Variants in ST8SIA1 observed in about 807,000 individuals in gnomAD.
The protein encoded by ST8SIA1 is alpha-N-acetylneuraminide alpha-2,8-sialyltransferase.
Under a neutral mutation model 35.9 loss-of-function variants are expected in ST8SIA1, and 16 were observed. The ratio of observed to expected loss-of-function variants is 0.45; its 90% CI spans 0.30 to 0.68. The LOEUF is 0.68. Ranked by LOEUF, ST8SIA1 falls within the 30% of genes least tolerant of loss-of-function variation. The pLI is 0.09. For synonymous variants in ST8SIA1, 170 were observed against 169.6 expected, an observed-to-expected ratio of 1.00 and a Z score of -0.02; for missense variants, 383 against 453.6, an observed-to-expected ratio of 0.84 and a Z score of 1.41.
At chr12:22,207,173 A>T (rs1471672034) in intron 4 of ST8SIA1, among the ~76,000 whole-genome samples, 1 of 152,210 alleles carries the variant, frequency 6.6e-6, no homozygotes, top group Non-Finnish European at 1.5e-5. Context: ...CCAGAGATGG[A>T]TTCGCGACTG....
At chr12:22,310,977 C>T (rs926821232) in intron 1 of ST8SIA1, among the ~76,000 whole-genome samples, 3 of 152,072 alleles carry the variant, frequency 2.0e-5, no homozygotes, top group Non-Finnish European at 2.9e-5. Flanking sequence ...AATAGAAGAA[C>T]TGATGAGGTC....
intron 2 of ST8SIA1, among the ~76,000 whole-genome samples, chr12:22,278,839 T>C (rs1866000230): frequency 1.3e-5 from 2 of 152,218 alleles, no homozygotes; most frequent in Admixed American, 6.5e-5. Flanking sequence ...AATGTTGTCT[T>C]ACCCTCAAAA....
At chr12:22,218,612 A>AAAATAAATAAAT (rs59486221) in intron 4 of ST8SIA1, among the ~76,000 whole-genome samples, 2,727 of 139,320 alleles carry the variant, frequency 0.02, 98 homozygotes, top group African/African-American at 0.067. Flanking sequence ...AGCGAGACTC[A>AAAATAAATAAAT]AAATAAATAA....
chr12:22,207,062 G>T (rs1016505425), intron 4 of ST8SIA1, among the ~76,000 whole-genome samples: 1 of 152,206 alleles, frequency 6.6e-6, no homozygotes, highest in African/African-American at 2.4e-5. Context: ...TCAGGTTCAA[G>T]TAAGAGAAAA....
At chr12:22,216,633 A>G (rs16924767) in intron 4 of ST8SIA1, among the ~76,000 whole-genome samples, 29,847 of 152,046 alleles carry the variant, frequency 0.2, 3,296 homozygotes, top group South Asian at 0.3. Flanking sequence ...ATGTCTTTAT[A>G]TCTTAATTTT....
chr12:22,261,526 C>T (rs1461064728), intron 2 of ST8SIA1, among the ~76,000 whole-genome samples: 1 of 151,842 alleles, frequency 6.6e-6, no homozygotes, highest in Admixed American at 6.6e-5. Context: ...TTTTTCAACA[C>T]CTCATATCTG....
chr12:22,203,693 C>T (rs1865074971), intron 4 of ST8SIA1, among the ~76,000 whole-genome samples: 1 of 152,132 alleles, frequency 6.6e-6, no homozygotes, highest in Admixed American at 6.5e-5. Flanking sequence ...CTGGGCCAGC[C>T]TCTCCAATAC....
At chr12:22,285,848 C>A (rs3819875) in intron 2 of ST8SIA1, among the ~76,000 whole-genome samples, 29,632 of 122,836 alleles carry the variant, frequency 0.24, 3,041 homozygotes, top group Middle Eastern at 0.47. Context: ...CAAGCCCAGG[C>A]AACAGAGTAA....
intron 1 of ST8SIA1, among the ~76,000 whole-genome samples, chr12:22,293,316 A>C (rs1866202138): frequency 6.6e-6 from 1 of 152,194 alleles, no homozygotes; most frequent in African/African-American, 2.4e-5. Context: ...CAAACATCCA[A>C]ATGTTGACTT....
At chr12:22,235,072 G>GAAAGCTACA (rs1488395547) in intron 4 of ST8SIA1, among the ~76,000 whole-genome samples, 1 of 152,024 alleles carries the variant, frequency 6.6e-6, no homozygotes, top group Non-Finnish European at 1.5e-5. Context: ...GTGTGCGCAG[G>GAAAGCTACA]GTGTGTGTGT....
chr12:22,277,642 C>T (rs1022963210), intron 2 of ST8SIA1, among the ~76,000 whole-genome samples: 3 of 152,140 alleles, frequency 2.0e-5, no homozygotes, highest in African/African-American at 7.2e-5. Flanking sequence ...GCTGGGATTA[C>T]AGGCATGAGC....
rs1157595358 is a variant in ST8SIA1, at chr12:22,255,348, C to T, written c.423G>A (p.Val141=). ...FQLPLKKCAV[V]GNGGILKKSG... ...TCTTCTTCAGAATCCCACCATTTCC[C>T]ACCACCGCGCATTTCTTCAATGGCA... The change falls in exon 3 of 5, where the codon GTG becomes GTA. Residue 141 remains valine, a synonymous_variant. Coordinates refer to ENST00000396037, the MANE Select transcript of ST8SIA1 (RefSeq NM_003034.4). The T allele has an allele frequency of 6.2e-7, 1 of 1,614,058 alleles. No homozygotes were observed. The highest frequency in any genetic ancestry group is 8.5e-7 in the Non-Finnish European group (1 of 1,180,028).
chr12:22,310,999 G>A (rs12321356), intron 1 of ST8SIA1, among the ~76,000 whole-genome samples: 6,043 of 152,216 alleles, frequency 0.04, 371 homozygotes, highest in African/African-American at 0.14. Flanking sequence ...AAACCCATAA[G>A]TTAATTCAAT....
chr12:22,227,234 A>G (rs1216212146), intron 4 of ST8SIA1, among the ~76,000 whole-genome samples: 2 of 151,310 alleles, frequency 1.3e-5, no homozygotes, highest in Non-Finnish European at 2.9e-5. Flanking sequence ...GTGAGCCACC[A>G]CACCTGACCT....
intron 1 of ST8SIA1, among the ~76,000 whole-genome samples, chr12:22,302,359 C>T (rs1442351430): frequency 6.6e-6 from 1 of 152,148 alleles, no homozygotes. Context: ...ATAACAGCAA[C>T]CTATTTACAC....
chr12:22,195,867 C>T lies in ST8SIA1; in HGVS notation c.*5685G>A, dbSNP rs2120584630. On this transcript the variant is annotated 3_prime_UTR_variant, in exon 5 of 5. Transcript: ENST00000396037. The stretch of plus-strand genomic sequence containing the variant: ...TTAACTGATTCTTACTTTTCTTTGC[C>T]TTGGATTATATCACATCTCTTAGAT... 6.6e-6 allele frequency: 1 copy of T among 152,132 alleles called. No homozygotes were observed. The highest frequency in any genetic ancestry group is 1.9e-4 in the East Asian group (1 of 5,176). 9.4% of individuals were successfully genotyped at this position (152,132 alleles called of 1,614,324 possible).
intron 3 of ST8SIA1, among the ~76,000 whole-genome samples, 155 bp from the exon 4 acceptor site, chr12:22,249,253 C>G (rs946681337): frequency 7.1e-6 from 1 of 140,654 alleles, no homozygotes; most frequent in African/African-American, 2.7e-5. Context: ...GAGTCTCGCT[C>G]TGTTGCCCAG....
Position 22,201,915 on chromosome 12 carries a change from A to G in ST8SIA1, c.708T>C (p.Tyr236=), listed in dbSNP as rs754141796. The G allele has an allele frequency of 6.2e-7, 1 of 1,614,118 alleles. No homozygotes were observed. Among genetic ancestry groups the G allele is most frequent in the East Asian group, 2.2e-5 (1 of 44,878 alleles). Residue 236 remains tyrosine (Y), a synonymous_variant, in exon 5 of 5, where the codon TAT becomes TAC. Transcript: ENST00000396037. ...TGGCACCAACATCTGACAGTGTATAATAAACCCTCAAAGATGGCTCTGTTC... is the reference window on the plus strand; with the variant it reads ...TGGCACCAACATCTGACAGTGTATAGTAAACCCTCAAAGATGGCTCTGTTC... The part of the protein sequence containing the change: ...KTGTEPSLRV[Y]YTLSDVGANQ...
intron 4 of ST8SIA1, among the ~76,000 whole-genome samples, chr12:22,229,930 A>T (rs1294095928): frequency 6.6e-6 from 1 of 152,232 alleles, no homozygotes; most frequent in East Asian, 1.9e-4. Context: ...GAAGATAACA[A>T]GAAACAGTAA....
Sources: allele counts gnomAD v4.1 joint callset (sites outside exome capture counted in the v4.1 genomes callset), GRCh38; gene constraint gnomAD v4.1.1; transcripts MANE v1.5; gene names NCBI Gene and HGNC (gene_info 2026-07-23, HGNC 2026-07-21).